Variants in SLC4A10 observed in about 807,000 individuals in gnomAD.
The protein encoded by SLC4A10 is solute carrier family 4 member 10.
In SLC4A10, 42 loss-of-function variants were observed where a neutral mutation model predicts 137.7. That is an observed-to-expected ratio of 0.30 (90% CI 0.24 to 0.39). SLC4A10 has a LOEUF of 0.39. Among genes scored for constraint, SLC4A10 ranks in the 10% least tolerant of loss-of-function variants. The pLI is 1.00. For synonymous variants in SLC4A10, 474 were observed against 464.1 expected (o/e 1.02, Z -0.27); for missense variants, 925 against 1,355.0 (o/e 0.68, Z 4.98).
At chr2:161,948,407 C>T (rs1405473989) in intron 17 of SLC4A10, among the ~76,000 whole-genome samples, 3 of 152,088 alleles carry the variant, frequency 2.0e-5, no homozygotes, top group Non-Finnish European at 4.4e-5. Context: ...ACTTTCTTCT[C>T]TAAGGTGGAA....
At chr2:161,920,552 T>C (rs962429872) in intron 15 of SLC4A10, among the ~76,000 whole-genome samples, 1 of 152,250 alleles carries the variant, frequency 6.6e-6, no homozygotes, top group African/African-American at 2.4e-5. Context: ...TTTTATTCTC[T>C]GCATATTTTG....
intron 16 of SLC4A10, among the ~76,000 whole-genome samples, chr2:161,943,128 A>G (rs934049651): frequency 2.0e-5 from 3 of 152,112 alleles, no homozygotes; most frequent in African/African-American, 7.2e-5. Flanking sequence ...CTTATACAGA[A>G]ATATGTGACC....
intron 11 of SLC4A10, among the ~76,000 whole-genome samples, chr2:161,900,281 G>A (rs1682758654): frequency 7.6e-6 from 1 of 132,088 alleles, no homozygotes; most frequent in Admixed American, 7.7e-5. Context: ...AACAGTCTTT[G>A]GCACTCTATG....
rs1022591362 is a variant in SLC4A10, at chr2:161,712,621, T to A, written c.49-58352T>A. On this transcript the variant is annotated intron_variant, in intron 1 of 26. Transcript: ENST00000446997. The stretch of plus-strand genomic sequence containing the variant: ...CATATATAAGTAGAACAATTCAAGT[T>A]CCCATTTGATAGAGTATAATATTTT... Among the ~76,000 whole-genome samples, 5 of 151,954 alleles carry A rather than the reference T, an allele frequency of 3.3e-5. No individual in the cohort carries two copies. In the East Asian group the frequency reaches 9.7e-4, roughly 29 times the overall value.
At chr2:161,778,411 T>A (rs558783617) in intron 2 of SLC4A10, among the ~76,000 whole-genome samples, 1 of 151,952 alleles carries the variant, frequency 6.6e-6, no homozygotes, top group Admixed American at 6.6e-5. Flanking sequence ...TATAAACTCA[T>A]TGAGGGACAA....
chr2:161,704,865 T>A (rs748999380), intron 1 of SLC4A10, among the ~76,000 whole-genome samples: 10 of 151,644 alleles, frequency 6.6e-5, no homozygotes, highest in Non-Finnish European at 1.3e-4. Context: ...TCTTTGAGCA[T>A]AAATCTTAAT....
intron 23 of SLC4A10, among the ~76,000 whole-genome samples, chr2:161,968,370 C>T (rs909438162): frequency 6.6e-6 from 1 of 152,060 alleles, no homozygotes; most frequent in Non-Finnish European, 1.5e-5. Flanking sequence ...ATTATATACC[C>T]ACTGTACTTT....
chr2:161,679,626 C>A (rs1010579385), intron 1 of SLC4A10, among the ~76,000 whole-genome samples: 1 of 150,272 alleles, frequency 6.7e-6, no homozygotes, highest in Non-Finnish European at 1.5e-5. Flanking sequence ...GCTGTCATTT[C>A]TGCTTTCTAA....
At chr2:161,964,081 T>C (rs955287626) in intron 21 of SLC4A10, 54 bp from the exon 22 acceptor site, 3 of 1,469,610 alleles carry the variant, frequency 2.0e-6, no homozygotes, top group African/African-American at 2.8e-5. Context: ...CAACTTGTCC[T>C]ACTTTTATTG....
At chr2:161,701,568 T>C (rs1208149968) in intron 1 of SLC4A10, among the ~76,000 whole-genome samples, 1 of 151,958 alleles carries the variant, frequency 6.6e-6, no homozygotes, top group Non-Finnish European at 1.5e-5. Flanking sequence ...TATCTTTTCT[T>C]TTGTTGGGAA....
chr2:161,915,680 C>A (rs985587768), intron 15 of SLC4A10, among the ~76,000 whole-genome samples: 1 of 152,204 alleles, frequency 6.6e-6, no homozygotes, highest in East Asian at 1.9e-4. Flanking sequence ...CTAAAGCAAC[C>A]AGCCAGTTCC....
chr2:161,795,009 A>T (rs567672728), intron 2 of SLC4A10, among the ~76,000 whole-genome samples: 1 of 152,150 alleles, frequency 6.6e-6, no homozygotes, highest in Non-Finnish European at 1.5e-5. Flanking sequence ...GTATGTCAAT[A>T]TAAGTCAATT....
chr2:161,795,050 A>T (rs1001837584), intron 2 of SLC4A10, among the ~76,000 whole-genome samples: 5 of 151,542 alleles, frequency 3.3e-5, no homozygotes, highest in Admixed American at 2.0e-4. Flanking sequence ...AGGAGGTAAA[A>T]TTTTTTTTTA....
At chr2:161,785,619 A>G (rs950087729) in intron 2 of SLC4A10, among the ~76,000 whole-genome samples, 1 of 151,804 alleles carries the variant, frequency 6.6e-6, no homozygotes, top group Admixed American at 6.6e-5. Context: ...AAAGAACAAA[A>G]AATATATTAT....
chr2:161,636,137 G>A (rs1208694141), intron 1 of SLC4A10, among the ~76,000 whole-genome samples: 1 of 152,076 alleles, frequency 6.6e-6, no homozygotes, highest in Non-Finnish European at 1.5e-5. Flanking sequence ...GTTAGTATGA[G>A]TTTATTTTGG....
chr2:161,681,189 T>G (rs1237755451), intron 1 of SLC4A10, among the ~76,000 whole-genome samples: 1 of 152,188 alleles, frequency 6.6e-6, no homozygotes, highest in Non-Finnish European at 1.5e-5. Flanking sequence ...CATAGTGGAC[T>G]CTCAATCTTC....
intron 3 of SLC4A10, among the ~76,000 whole-genome samples, chr2:161,811,546 TCTC>T (rs1247856514): frequency 2.0e-5 from 3 of 152,034 alleles, no homozygotes; most frequent in East Asian, 1.9e-4. Context: ...ACCTTCAACA[TCTC>T]CTCCTAATTT....
At position 161,674,016 on chromosome 2, in the gene SLC4A10, A is replaced by C. The variant is rs869218558; in HGVS notation, c.48+49450A>C. On this transcript the variant is annotated intron_variant, in intron 1 of 26. Transcript: ENST00000446997. ...AAACAAAACAAAATGAAGTTCATTA[A>C]AAATATATTTGAAAAAATCCACATT... 2.6e-5 allele frequency among the ~76,000 whole-genome samples: 4 copies of C among 152,238 alleles called. No homozygotes were observed. In the Middle Eastern group the frequency reaches 0.01, roughly 388 times the overall value.
chr2:161,934,081 G>A (rs753382310), intron 15 of SLC4A10, among the ~76,000 whole-genome samples: 1 of 152,024 alleles, frequency 6.6e-6, no homozygotes, highest in African/African-American at 2.4e-5. Flanking sequence ...TTTTGATACC[G>A]GCATTTTGAT....
Sources: allele counts gnomAD v4.1 joint callset (sites outside exome capture counted in the v4.1 genomes callset), GRCh38; gene constraint gnomAD v4.1.1; transcripts MANE v1.5; gene names NCBI Gene and HGNC (gene_info 2026-07-23, HGNC 2026-07-21).